ZNF670: variants seen among roughly 807,000 people sequenced by gnomAD.
ZNF670 encodes the protein zinc finger protein 670.
In ZNF670, 7 loss-of-function variants were observed where a neutral mutation model predicts 10.9. That is an observed-to-expected ratio of 0.64 (90% CI 0.36 to 1.20). The LOEUF is 1.20. Among genes scored for constraint, ZNF670 ranks in the 50% most tolerant of loss-of-function variants. The probability of loss-of-function intolerance (pLI) is 0.02; values close to 1 mark genes in which losing one functional copy is unlikely to be tolerated. For missense variants in ZNF670, 446 were observed against 458.6 expected, an observed-to-expected ratio of 0.97 and a Z score of 0.25; for synonymous variants, 136 against 152.7, an observed-to-expected ratio of 0.89 and a Z score of 0.81.
At chr1:247,047,574 G>T (rs1040627916) in intron 1 of ZNF670, among the ~76,000 whole-genome samples, 6 of 150,064 alleles carry the variant, frequency 4.0e-5, no homozygotes, top group Non-Finnish European at 4.4e-5. Context: ...TTTGTGTGGG[G>T]ATTCCAATCC....
intron 1 of ZNF670, among the ~76,000 whole-genome samples, chr1:247,065,513 C>G (rs188058255): frequency 1.6e-4 from 24 of 152,134 alleles, no homozygotes; most frequent in Non-Finnish European, 3.1e-4. Context: ...AAGAGTCCAT[C>G]AAATGGTAGA....
chr1:247,038,519 T>A, intron 3 of ZNF670, 92 bp from the exon 4 acceptor site: 1 of 1,302,482 alleles, frequency 7.7e-7, no homozygotes, highest in Non-Finnish European at 1.0e-6. Context: ...CTGCCATATC[T>A]AAATTGTTTT....
At chr1:247,076,992 G>A (rs1318598308) in intron 1 of ZNF670, among the ~76,000 whole-genome samples, 1 of 152,240 alleles carries the variant, frequency 6.6e-6, no homozygotes, top group Non-Finnish European at 1.5e-5. Flanking sequence ...TGATGATGGT[G>A]CTTTTCTGGT....
At chr1:247,062,953 A>G (rs1670891900) in intron 1 of ZNF670, among the ~76,000 whole-genome samples, 1 of 152,224 alleles carries the variant, frequency 6.6e-6, no homozygotes, top group Admixed American at 6.5e-5. Context: ...CAGGACCAGG[A>G]AAAGGCAAGA....
intron 1 of ZNF670, among the ~76,000 whole-genome samples, chr1:247,053,928 G>T (rs956979253): frequency 1.9e-4 from 29 of 152,172 alleles, no homozygotes; most frequent in African/African-American, 7.0e-4. Flanking sequence ...CACTGAAAAA[G>T]GCACTGAAAA....
intron 3 of ZNF670, 84 bp downstream of exon 3, chr1:247,038,726 C>G: frequency 8.1e-7 from 1 of 1,233,408 alleles, no homozygotes; most frequent in Non-Finnish European, 1.1e-6. Context: ...TCTAGTGGTT[C>G]TTAGTTGTTT....
chr1:247,039,329 G>A (rs1162598155), intron 2 of ZNF670, 82 bp downstream of exon 2: 2 of 1,511,084 alleles, frequency 1.3e-6, no homozygotes, highest in Non-Finnish European at 1.8e-6. Flanking sequence ...CCAAAGTGCT[G>A]GGATTACAGG....
intron 1 of ZNF670, among the ~76,000 whole-genome samples, chr1:247,076,746 C>T (rs531087642): frequency 6.6e-6 from 1 of 151,084 alleles, no homozygotes; most frequent in South Asian, 2.1e-4. Flanking sequence ...CTGCAACCTC[C>T]ACCTCCTGGC....
chr1:247,041,265 A>G (rs558873342), intron 1 of ZNF670, among the ~76,000 whole-genome samples: 33 of 152,346 alleles, frequency 2.2e-4, no homozygotes, highest in African/African-American at 7.5e-4. Context: ...GAACTGGCAA[A>G]TTCACATATA....
intron 1 of ZNF670, among the ~76,000 whole-genome samples, chr1:247,078,360 C>T (rs1374682986): frequency 6.6e-6 from 1 of 152,194 alleles, no homozygotes; most frequent in African/African-American, 2.4e-5. Flanking sequence ...AGATGCGGGT[C>T]TACAGAGGCA....
At chr1:247,054,942 A>T (rs542653373) in intron 1 of ZNF670, among the ~76,000 whole-genome samples, 1 of 152,342 alleles carries the variant, frequency 6.6e-6, no homozygotes, top group East Asian at 1.9e-4. Context: ...GGAGGAAAAA[A>T]GGAAAACTAG....
chr1:247,064,383 C>G (rs956002131), intron 1 of ZNF670, among the ~76,000 whole-genome samples: 2 of 152,226 alleles, frequency 1.3e-5, no homozygotes, highest in African/African-American at 4.8e-5. Context: ...GATAGGGCTT[C>G]ACATGCCTCT....
intron 1 of ZNF670, 147 bp downstream of exon 1, chr1:247,078,447 C>T: frequency 2.0e-6 from 2 of 1,007,978 alleles, no homozygotes; most frequent in Non-Finnish European, 2.9e-6. Context: ...GGTCTGGCTG[C>T]GGGTCCAGCC....
intron 1 of ZNF670, among the ~76,000 whole-genome samples, chr1:247,045,930 C>G (rs1350042198): frequency 6.6e-6 from 1 of 152,110 alleles, no homozygotes; most frequent in Non-Finnish European, 1.5e-5. Flanking sequence ...GCAAAGGTCA[C>G]CCATGTTACA....
chr1:247,073,547 A>T (rs1355845615), intron 1 of ZNF670, among the ~76,000 whole-genome samples: 1 of 152,176 alleles, frequency 6.6e-6, no homozygotes, highest in East Asian at 1.9e-4. Flanking sequence ...CAGTGAGGAA[A>T]TGCTTTCTTC....
At position 247,034,806 on chromosome 1, in the gene ZNF670, A is replaced by G. The variant is rs1419970310; in HGVS notation, c.*2643T>C. 6.6e-6 allele frequency among the ~76,000 whole-genome samples: 1 copy of G among 152,228 alleles called. No individual in the cohort carries two copies. Among genetic ancestry groups the G allele is most frequent in the African/African-American group, 2.4e-5 (1 of 41,454 alleles). On this transcript the variant is annotated 3_prime_UTR_variant, in exon 4 of 4. Coordinates refer to ENST00000366503, the MANE Select transcript of ZNF670 (RefSeq NM_033213.5). ...CTCCAAGCATCCAGTGATGGCAACC[A>G]AACGAGATGCAGTTACCACAGAGCA... is the stretch of plus-strand genomic sequence containing the variant.
At chr1:247,046,705 T>C (rs1171450126) in intron 1 of ZNF670, among the ~76,000 whole-genome samples, 1 of 152,144 alleles carries the variant, frequency 6.6e-6, no homozygotes, top group Non-Finnish European at 1.5e-5. Context: ...ACAGTGGCAC[T>C]GCCTAGCGGA....
rs1671160710 is a variant in ZNF670, at chr1:247,072,809, T to C, written c.3+5785A>G. 7.3e-4 allele frequency among the ~76,000 whole-genome samples: 26 copies of C among 35,616 alleles called. No individual in the cohort carries two copies. In the African/African-American group the frequency reaches 7.3e-3, roughly 10 times the overall value. The allele number at this position is 35,616 out of a possible 152,430, so 23.4% of individuals were successfully genotyped here. A position where few individuals can be genotyped will look rare whatever the true frequency, so the allele number is the denominator to read the frequency against. On this transcript the variant is annotated intron_variant, in intron 1 of 3. Coordinates refer to ENST00000366503, the MANE Select transcript of ZNF670 (RefSeq NM_033213.5). ...TCTCAAAAAAAAAAGTGTGTGTATATATATATATATATATATATATATATA... is the reference window on the plus strand; with the variant it reads ...TCTCAAAAAAAAAAGTGTGTGTATACATATATATATATATATATATATATA...
rs1159575673 is a variant in ZNF670 at position 247,040,699 on chromosome 1, A to AT, written c.4-1163dup. On this transcript the variant is annotated intron_variant, in intron 1 of 3. Coordinates refer to ENST00000366503, the MANE Select transcript of ZNF670 (RefSeq NM_033213.5). ...TATTTTTATTTTATTTTTTTATTTT[A>AT]TTTTTTTGGTGAGATGGAGATTTAC... Among the ~76,000 whole-genome samples the AT allele has an allele frequency of 4.6e-5, 7 of 152,122 alleles. No individual in the cohort carries two copies. In the South Asian group the frequency reaches 1.0e-3, roughly 23 times the overall value.
Sources: allele counts gnomAD v4.1 joint callset (sites outside exome capture counted in the v4.1 genomes callset), GRCh38; gene constraint gnomAD v4.1.1; transcripts MANE v1.5; gene names NCBI Gene and HGNC (gene_info 2026-07-23, HGNC 2026-07-21).